EVC: variants seen among roughly 807,000 people sequenced by gnomAD.
EVC encodes the protein evC complex member EVC.
EVC carries 116 observed loss-of-function variants against 118.9 expected under a neutral mutation model. The ratio of observed to expected loss-of-function variants is 0.98; its 90% CI spans 0.84 to 1.14. EVC has a LOEUF of 1.14. Among genes scored for constraint, EVC ranks in the 50% most tolerant of loss-of-function variants. EVC has a pLI of 0.00. For missense variants in EVC, 1,401 were observed against 1,246.4 expected (o/e 1.12, Z -1.87); for synonymous variants, 619 against 534.7 (o/e 1.16, Z -2.18).
intron 2 of EVC, among the ~76,000 whole-genome samples, chr4:5,728,107 A>G (rs1373218001): frequency 6.6e-6 from 1 of 152,156 alleles, no homozygotes; most frequent in Non-Finnish European, 1.5e-5. Flanking sequence ...CAGTTCTGTG[A>G]AGAAAGTCAT....
chr4:5,768,307 A>G (rs541508243), intron 11 of EVC, among the ~76,000 whole-genome samples: 1 of 152,138 alleles, frequency 6.6e-6, no homozygotes, highest in East Asian at 1.9e-4. Flanking sequence ...TGTGGTTTCC[A>G]TGAGGAAAAC....
intron 2 of EVC, among the ~76,000 whole-genome samples, chr4:5,723,509 T>G (rs979232378): frequency 6.6e-6 from 1 of 151,998 alleles, no homozygotes; most frequent in Non-Finnish European, 1.5e-5. Context: ...CATAATTAGG[T>G]TTTTGTTTTG....
chr4:5,733,330 G>A lies in EVC; in HGVS notation c.618-21G>A, dbSNP rs145945359. ...TTCCGATACCCTGAAAGTCTTTTCC[G>A]CTTCTCATTTTATTTTGCAGTGTAG... On this transcript the variant is annotated intron_variant, in intron 4 of 20. Coordinates refer to ENST00000264956, the MANE Select transcript of EVC (RefSeq NM_153717.3). 1,271 of 1,605,312 alleles carry A rather than the reference G, an allele frequency of 7.9e-4. 1 individual carries two copies. Among genetic ancestry groups the A allele is most frequent in the Non-Finnish European group, 8.9e-4 (1,045 of 1,172,284 alleles).
In EVC at chr4:5,780,906, C is replaced by A. The variant is rs534581777; in HGVS notation, c.1564-2646C>A. Among the ~76,000 whole-genome samples, 4 of 152,320 alleles carry A rather than the reference C, an allele frequency of 2.6e-5. No individual in the cohort carries two copies. The South Asian group carries it at 6.2e-4, about 24-fold the overall frequency. ...TCCAGAGGAAACCAGGCACAAGTTT[C>A]CAGAATCCTCTCCCCATGGAGTCAC... On this transcript the variant is annotated intron_variant, in intron 11 of 20. Transcript: ENST00000264956.
chr4:5,722,242 A>G (rs564146137), intron 2 of EVC, among the ~76,000 whole-genome samples: 2 of 152,250 alleles, frequency 1.3e-5, no homozygotes, highest in African/African-American at 2.4e-5. Context: ...TAAGTGCTCA[A>G]TCAGTGTTTG....
rs530219466 is a variant in EVC, at chr4:5,754,411, C to T, written c.1464+478C>T. ...GTCAGGGCCAGGAGGTGGCCAAGGTCAGAGGTACCCTTGGTCTTGCCTGAG... is the reference window on the plus strand; with the variant it reads ...GTCAGGGCCAGGAGGTGGCCAAGGTTAGAGGTACCCTTGGTCTTGCCTGAG... On this transcript the variant is annotated intron_variant, in intron 10 of 20. Transcript: ENST00000264956. This position sits in a 1 kb window ranked among gnomAD's most constrained non-coding sequence, Gnocchi z 5.8. 5.8e-4 allele frequency among the ~76,000 whole-genome samples: 88 copies of T among 152,168 alleles called. No homozygotes were observed. Among genetic ancestry groups the T allele is most frequent in the African/African-American group, 2.0e-3 (85 of 41,522 alleles).
At chr4:5,801,867 T>TGGGGGGGGG in intron 15 of EVC, 83 bp from the exon 16 acceptor site, 1 of 1,497,314 alleles carries the variant, frequency 6.7e-7, no homozygotes, top group Non-Finnish European at 9.2e-7. Context: ...AACCAGGGCA[T>TGGGGGGGGG]GGGGAGGCAG....
chr4:5,741,325 C>T (rs539559370), intron 5 of EVC, among the ~76,000 whole-genome samples: 68 of 152,330 alleles, frequency 4.5e-4, no homozygotes, highest in Non-Finnish European at 7.2e-4. Flanking sequence ...GATAACTTTT[C>T]ATTTCCAGTT....
the EVC span, chr4:5,824,765 C>T: frequency 1.6e-5 from 16 of 984,488 alleles, no homozygotes; most frequent in African/African-American, 1.4e-4. Context: ...GTACCCAGCA[C>T]GGTGTGCAAC....
chr4:5,728,140 T>C (rs1347218296), intron 2 of EVC, among the ~76,000 whole-genome samples: 5 of 152,226 alleles, frequency 3.3e-5, no homozygotes, highest in African/African-American at 4.8e-5. Context: ...GGGGATGGCA[T>C]TGAATCTGTA....
intron 11 of EVC, among the ~76,000 whole-genome samples, chr4:5,783,077 T>A (rs1735863066): frequency 6.7e-6 from 1 of 149,892 alleles, no homozygotes; most frequent in Non-Finnish European, 1.5e-5. Context: ...ATCCCAAGGC[T>A]GTGCGTGTGT....
At position 5,719,918 on chromosome 4, in the gene EVC, CTG is replaced by C. The variant is rs1454983306; in HGVS notation, c.300+547_300+548del. On this transcript the variant is annotated intron_variant, in intron 2 of 20. Coordinates refer to ENST00000264956, the MANE Select transcript of EVC (RefSeq NM_153717.3). The surrounding 1 kb of genome is among the most constrained non-coding windows in gnomAD (Gnocchi z 4.7). Reference sequence around the variant, plus strand: ...AGACCGGGCTGTTTTCAGAATTTGACTGTAATGAATAAGCCTACTATGAATGT... The same window carrying C: ...AGACCGGGCTGTTTTCAGAATTTGACTAATGAATAAGCCTACTATGAATGT... 2.0e-5 allele frequency among the ~76,000 whole-genome samples: 3 copies of C among 152,212 alleles called. No homozygotes were observed. Among genetic ancestry groups the C allele is most frequent in the Non-Finnish European group, 4.4e-5 (3 of 68,044 alleles).
rs754248576 is a variant in EVC, at chr4:5,741,786, A to G, written c.773A>G (p.Tyr258Cys). ...LPKKKSDDEL[Y>C]QKILSKQEKD... ...AAAAAGAAGTCAGATGATGAACTAT[A>G]CCAGAAGATCCTTTCAAAACAAGAA... The change falls in exon 6 of 21, where the codon TAC becomes TGC. Residue 258 changes from tyrosine (Y) to cysteine (C), a missense_variant. By Grantham distance (194) the Tyr-to-Cys change is radical. Coordinates refer to ENST00000264956, the MANE Select transcript of EVC (RefSeq NM_153717.3). The G allele has an allele frequency of 6.5e-7, 1 of 1,530,430 alleles. No individual in the cohort carries two copies. The highest frequency in any genetic ancestry group is 9.0e-7 in the Non-Finnish European group (1 of 1,105,370). The allele number at this position is 1,530,430 out of a possible 1,614,324, so 94.8% of individuals were successfully genotyped here. A position where few individuals can be genotyped will look rare whatever the true frequency, so the allele number is the denominator to read the frequency against.
chr4:5,713,523 C>G (rs1298772247), intron 1 of EVC, among the ~76,000 whole-genome samples: 1 of 151,976 alleles, frequency 6.6e-6, no homozygotes, highest in African/African-American at 2.4e-5. Context: ...ACTAAAAATA[C>G]AAAAATTAGC....
intron 11 of EVC, chr4:5,758,255 G>C: frequency 1.6e-6 from 1 of 624,660 alleles, no homozygotes; most frequent in East Asian, 2.8e-5. Context: ...CAACACCTTG[G>C]TTTCATACTA....
At chr4:5,815,215 G>A (rs967336501), downstream of EVC, among the ~76,000 whole-genome samples, 2 of 152,158 alleles carry the variant, frequency 1.3e-5, no homozygotes, top group African/African-American at 2.4e-5. Context: ...CCCGGGTCTC[G>A]GTGGGGTCTG....
intron 11 of EVC, among the ~76,000 whole-genome samples, chr4:5,767,581 C>T (rs182461298): frequency 2.1e-4 from 31 of 149,530 alleles, no homozygotes; most frequent in Admixed American, 6.7e-4. Flanking sequence ...CTCCGAGCCA[C>T]GTGTGGGATA....
rs142535134 is a variant in EVC, at chr4:5,752,864, C to T, written c.1127C>T (p.Ala376Val). Residue 376 changes from alanine (A) to valine (V), a missense_variant, in exon 9 of 21, where the codon GCG becomes GTG. Transcript: ENST00000264956. ...LDALERTMGR[A>V]HMAKVIEFLK... is the part of the protein sequence containing the mutation. The stretch of plus-strand genomic sequence containing the variant: ...GCCCTGGAGAGGACGATGGGGCGGG[C>T]GCACATGGCAAAAGTGATTGAGTTT... 4.9e-4 allele frequency: 799 copies of T among 1,614,198 alleles called. 1 individual carries two copies. In the African/African-American group the frequency reaches 9.5e-3, roughly 19 times the overall value.
At chr4:5,765,223 C>T (rs1347404631) in intron 11 of EVC, among the ~76,000 whole-genome samples, 1 of 117,336 alleles carries the variant, frequency 8.5e-6, no homozygotes, top group Non-Finnish European at 1.8e-5. Flanking sequence ...TTGAGTGAGA[C>T]TCTTAATCCT....
Sources: gnomAD v4.1 joint callset for allele counts (sites outside exome capture counted in the v4.1 genomes callset) on GRCh38, gnomAD v4.1.1 for gene constraint, Gnocchi (gnomAD v3.1) non-coding constraint, MANE v1.5 for transcripts, NCBI Gene and HGNC (gene_info 2026-07-23, HGNC 2026-07-21) for gene names.